SH3BP2: variants seen among roughly 807,000 people sequenced by gnomAD.
SH3BP2 encodes the protein SH3 domain-binding protein 2.
A neutral mutation model predicts 56.2 loss-of-function variants in SH3BP2; 38 were observed. That is an observed-to-expected ratio of 0.68 (90% CI 0.52 to 0.89). SH3BP2 has a LOEUF of 0.89. Among genes scored for constraint, SH3BP2 ranks in the 40% least tolerant of loss-of-function variants. The pLI is 0.00. For synonymous variants in SH3BP2, 346 were observed against 316.7 expected, an observed-to-expected ratio of 1.09 and a Z score of -0.98; for missense variants, 748 against 762.6, an observed-to-expected ratio of 0.98 and a Z score of 0.23.
At position 2,840,111 on chromosome 4, in the gene SH3BP2, GCTA is replaced by G. The variant is rs1255485494; in HGVS notation, c.*6280_*6282del. On this transcript the variant is annotated 3_prime_UTR_variant, in exon 13 of 13. Transcript: ENST00000503393. ...ATGGTGGTGCGTGCCTGTAGTCCCA[GCTA>G]CTCAGGTGGCTGGGGTGAGAGGATT... 6.6e-6 allele frequency: 1 copy of G among 151,644 alleles called. No homozygotes were observed. Among genetic ancestry groups the G allele is most frequent in the Non-Finnish European group, 1.5e-5 (1 of 67,956 alleles). 9.4% of individuals were successfully genotyped at this position (151,644 alleles called of 1,614,324 possible). A position where few individuals can be genotyped will look rare whatever the true frequency, so the allele number is the denominator to read the frequency against.
intron 1 of SH3BP2, chr4:2,794,044 G>A (rs1722983662): frequency 6.6e-6 from 1 of 152,324 alleles, no homozygotes; most frequent in Admixed American, 6.5e-5. Flanking sequence ...GGACAGCTGT[G>A]CCTCCTGGTC....
chr4:2,802,400 ATATATG>A (rs1426600350), intron 1 of SH3BP2, among the ~76,000 whole-genome samples: 1 of 101,890 alleles, frequency 9.8e-6, no homozygotes, highest in East Asian at 3.0e-4. Flanking sequence ...TCTCAAAAAA[ATATATG>A]TGTGTGTGTG....
At position 2,839,652 on chromosome 4, in the gene SH3BP2, T is replaced by G. The variant is rs1197848660; in HGVS notation, c.*5818T>G. On this transcript the variant is annotated 3_prime_UTR_variant, in exon 13 of 13. Coordinates refer to ENST00000503393, the MANE Select transcript of SH3BP2 (RefSeq NM_001122681.2). The stretch of plus-strand genomic sequence containing the variant: ...GGCACAATCTTGGCTTATTGCAGCC[T>G]CAATTCCTAGGCTTAAACAGTCCTC... 1 of 151,956 alleles carries G rather than the reference T, an allele frequency of 6.6e-6. No individual in the cohort carries two copies. The highest frequency in any genetic ancestry group is 1.5e-5 in the Non-Finnish European group (1 of 67,998). 9.4% of individuals were successfully genotyped at this position (151,956 alleles called of 1,614,324 possible).
In SH3BP2 at chr4:2,834,339, G is replaced by C. The variant is rs1320766076; in HGVS notation, c.*505G>C. Reference sequence around the variant, plus strand: ...AAGGAGGGGATTACCAGCTTACTGGGTGCCCATGCTGATGTCTAAGTGGTG... The same window carrying C: ...AAGGAGGGGATTACCAGCTTACTGGCTGCCCATGCTGATGTCTAAGTGGTG... On this transcript the variant is annotated 3_prime_UTR_variant, in exon 13 of 13. Transcript: ENST00000503393. 6.4e-6 allele frequency: 1 copy of C among 157,108 alleles called. No individual in the cohort carries two copies. Among genetic ancestry groups the C allele is most frequent in the Admixed American group, 6.2e-5 (1 of 16,020 alleles). 9.7% of individuals were successfully genotyped at this position (157,108 alleles called of 1,614,324 possible). A position where few individuals can be genotyped will look rare whatever the true frequency, so the allele number is the denominator to read the frequency against.
intron 11 of SH3BP2, among the ~76,000 whole-genome samples, chr4:2,832,786 G>A (rs979470781): frequency 3.9e-5 from 6 of 152,194 alleles, no homozygotes; most frequent in African/African-American, 1.4e-4. Flanking sequence ...GTGGTTATGA[G>A]CTGTTGCTCA....
intron 1 of SH3BP2, among the ~76,000 whole-genome samples, chr4:2,802,667 G>A (rs1466189192): frequency 6.6e-6 from 1 of 151,360 alleles, no homozygotes; most frequent in African/African-American, 2.4e-5. Context: ...ATGTGTGTGT[G>A]TGTGTGTATA....
chr4:2,829,747 C>T lies in SH3BP2; in HGVS notation c.841C>T (p.Pro281Ser), dbSNP rs1724873255. The stretch of plus-strand genomic sequence containing the variant: ...TACCCCCCGAAGGATGAGCGATCCC[C>T]CTCTGAGCACCATGCCCACCGCACC... Reference protein sequence around the residue: ...PATPRRMSDPPLSTMPTAPGL... With the variant: ...PATPRRMSDPSLSTMPTAPGL... Residue 281 changes from proline (P) to serine (S), a missense_variant, in exon 8 of 13, where the codon CCT (proline) becomes TCT (serine). Pro to Ser is a moderately conservative substitution (Grantham distance 74). Transcript: ENST00000503393. This position sits in a 1 kb window ranked among gnomAD's most constrained non-coding sequence, Gnocchi z 4.9. The T allele has an allele frequency of 6.2e-7, 1 of 1,613,058 alleles. No homozygotes were observed. Among genetic ancestry groups the T allele is most frequent in the South Asian group, 1.1e-5 (1 of 91,068 alleles).
chr4:2,812,548 G>A lies in SH3BP2; in HGVS notation c.-4-8066G>A, dbSNP rs1723796416. On this transcript the variant is annotated intron_variant, in intron 1 of 12. Transcript: ENST00000503393. ...TCTAGCACCTGAAGAACCAGTAAGG[G>A]GGCCCCACGTGGGAGCCACAGCCTT... 6 of 1,505,678 alleles carry A rather than the reference G, an allele frequency of 4.0e-6. No homozygotes were observed. The Admixed American group carries it at 1.3e-4, about 32-fold the overall frequency. 93.3% of individuals were successfully genotyped at this position (1,505,678 alleles called of 1,614,324 possible).
chr4:2,794,174 C>G (rs573519724), intron 1 of SH3BP2: 1 of 152,336 alleles, frequency 6.6e-6, no homozygotes, highest in East Asian at 1.9e-4. Flanking sequence ...TGACATGGGC[C>G]GGTGATGCAA....
chr4:2,820,907 C>G (rs1273939897), intron 2 of SH3BP2, among the ~76,000 whole-genome samples, 154 bp downstream of exon 2: 1 of 152,172 alleles, frequency 6.6e-6, no homozygotes, highest in Non-Finnish European at 1.5e-5. Context: ...CCTGGAGAAG[C>G]AGAGGTTGAC....
chr4:2,820,958 C>G (rs1442120971), intron 2 of SH3BP2, among the ~76,000 whole-genome samples: 1 of 152,114 alleles, frequency 6.6e-6, no homozygotes, highest in Non-Finnish European at 1.5e-5. Flanking sequence ...CGGGGTGGTG[C>G]ACAGTGCTGG....
At chr4:2,833,524 G>A (rs1393013897) in intron 12 of SH3BP2, 173 bp from the exon 13 acceptor site, 1 of 741,810 alleles carries the variant, frequency 1.3e-6, no homozygotes, top group Non-Finnish European at 2.3e-6. Context: ...GTGGGAACAT[G>A]GAGAGCACAG....
At chr4:2,822,651 G>A (rs1326371245) in intron 2 of SH3BP2, among the ~76,000 whole-genome samples, 1 of 152,234 alleles carries the variant, frequency 6.6e-6, no homozygotes, top group African/African-American at 2.4e-5. Flanking sequence ...GCCTCATGCT[G>A]GCTCCACACA....
intron 1 of SH3BP2, among the ~76,000 whole-genome samples, chr4:2,817,560 G>C (rs1344349008): frequency 1.3e-5 from 2 of 152,226 alleles, no homozygotes; most frequent in East Asian, 3.8e-4. Context: ...CTTGGTGGCA[G>C]CTTGTTTGCA....
At position 2,824,827 on chromosome 4, in the gene SH3BP2, G is replaced by A. The variant is rs1300476220; in HGVS notation, c.357+97G>A. Reference sequence around the variant, plus strand: ...CTTGGGGGCTCGCTGGTCCTGGGGCGCTGGCCTCTCAGCCCCGGGCAAAGA... The same window carrying A: ...CTTGGGGGCTCGCTGGTCCTGGGGCACTGGCCTCTCAGCCCCGGGCAAAGA... On this transcript the variant is annotated intron_variant, in intron 4 of 12. Transcript: ENST00000503393. 133 of 959,914 alleles carry A rather than the reference G, an allele frequency of 1.4e-4. 1 individual carries two copies. The South Asian group carries it at 1.7e-3, about 12-fold the overall frequency. 59.5% of individuals were successfully genotyped at this position (959,914 alleles called of 1,614,324 possible). A position where few individuals can be genotyped will look rare whatever the true frequency, so the allele number is the denominator to read the frequency against.
In SH3BP2 at chr4:2,827,261, G is replaced by A. The variant is rs376363942; in HGVS notation, c.460G>A (p.Gly154Ser). 5.0e-6 allele frequency: 8 copies of A among 1,614,034 alleles called. No homozygotes were observed. In the African/African-American group the frequency reaches 5.3e-5, roughly 11 times the overall value. Residue 154 changes from glycine (G) to serine (S), a missense_variant, in exon 6 of 13, where the codon GGC becomes AGC. Physicochemically the swap from Gly to Ser is moderately conservative, Grantham distance 56. This residue lies in a region of SH3BP2 where 635 missense variants were observed against 615.0 expected (regional missense o/e 1.03). Coordinates refer to ENST00000503393, the MANE Select transcript of SH3BP2 (RefSeq NM_001122681.2). ...CAGCTCGGACACAGACAGCTTCTAC[G>A]GCGCAGTTGAGCGGCCTGTGGATAT... ...DSSSDTDSFY[G>S]AVERPVDISL... is the part of the protein sequence containing the mutation.
At chr4:2,808,464 C>T (rs1282000624) in intron 1 of SH3BP2, among the ~76,000 whole-genome samples, 1 of 152,112 alleles carries the variant, frequency 6.6e-6, no homozygotes, top group Non-Finnish European at 1.5e-5. Context: ...TTTTGGGGGC[C>T]ACCTTTCAGC....
chr4:2,827,328 T>G lies in SH3BP2; in HGVS notation c.517+10T>G, dbSNP rs1219485872. 11 of 1,611,936 alleles carry G rather than the reference T, an allele frequency of 6.8e-6. No individual in the cohort carries two copies. Among genetic ancestry groups the G allele is most frequent in the Non-Finnish European group, 9.3e-6 (11 of 1,177,940 alleles). On this transcript the variant is annotated intron_variant, in intron 6 of 12. Transcript: ENST00000503393. ...CCCACGGACAATGAAGGTGAGGTCT[T>G]TCTCCGCATCCACTGCCCGTTTGCC...
intron 5 of SH3BP2, chr4:2,826,969 G>A: frequency 3.1e-6 from 2 of 646,608 alleles, no homozygotes; most frequent in Non-Finnish European, 5.7e-6. Flanking sequence ...GTGTGCATTT[G>A]TGTGTTTGTC....
Sources: gnomAD v4.1 joint callset for allele counts (sites outside exome capture counted in the v4.1 genomes callset) on GRCh38, gnomAD v4.1.1 for gene constraint, gnomAD v4.1.1 regional missense constraint, Gnocchi (gnomAD v3.1) non-coding constraint, MANE v1.5 for transcripts, NCBI Gene and HGNC (gene_info 2026-07-23, HGNC 2026-07-21) for gene names.